COPS7A: variants seen among roughly 807,000 people sequenced by gnomAD.
The protein encoded by COPS7A is COP9 signalosome complex subunit 7a.
In COPS7A, 20 loss-of-function variants were observed where a neutral mutation model predicts 35.2. The ratio of observed to expected loss-of-function variants is 0.57; its 90% CI spans 0.40 to 0.83. The LOEUF is 0.83. Among genes scored for constraint, COPS7A ranks in the 40% least tolerant of loss-of-function variants. COPS7A has a pLI of 0.00. For synonymous variants in COPS7A, 139 were observed against 141.4 expected, an observed-to-expected ratio of 0.98 and a Z score of 0.12; for missense variants, 247 against 347.5, an observed-to-expected ratio of 0.71 and a Z score of 2.30.
rs902338437 is a variant in COPS7A, at chr12:6,729,845, C to T, written c.530+396C>T. Among the ~76,000 whole-genome samples the T allele has an allele frequency of 3.3e-5, 5 of 152,278 alleles. No individual in the cohort carries two copies. The highest frequency in any genetic ancestry group is 7.2e-5 in the African/African-American group (3 of 41,570). On this transcript the variant is annotated intron_variant, in intron 5 of 7. Coordinates refer to ENST00000543155, the MANE Select transcript of COPS7A (RefSeq NM_001164094.2). The surrounding 1 kb of genome is among the most constrained non-coding windows in gnomAD (Gnocchi z 4.2). ...CAGGGTTTCTGTATTCATTAAGTCA[C>T]CTCTTTTTCTCTTTGGCATCTCCTA...
In COPS7A at chr12:6,729,398, G is replaced by T. The variant is rs1441931837; in HGVS notation, c.479G>T (p.Arg160Leu). 6.2e-7 allele frequency: 1 copy of T among 1,614,086 alleles called. No individual in the cohort carries two copies. The highest frequency in any genetic ancestry group is 8.5e-7 in the Non-Finnish European group (1 of 1,180,044). ...CTCGAGGTTGACTACAGCATCGGGC[G>T]GGACATCCAGCGCCAGGACCTCAGT... ...QRLEVDYSIGRDIQRQDLSAI... is the reference protein window; with the variant it reads ...QRLEVDYSIGLDIQRQDLSAI... Residue 160 changes from arginine (R) to leucine (L), a missense_variant, in exon 5 of 8, where the codon CGG (arginine) becomes CTG (leucine). Transcript: ENST00000543155. The surrounding 1 kb of genome is among the most constrained non-coding windows in gnomAD (Gnocchi z 4.2).
chr12:6,727,861 A>T (rs1231759980), intron 2 of COPS7A, 65 bp from the exon 3 acceptor site: 2 of 1,508,804 alleles, frequency 1.3e-6, no homozygotes, highest in African/African-American at 2.7e-5. Flanking sequence ...AGTTCCAAAC[A>T]GGGTAAGGCT....
intron 4 of COPS7A, 99 bp downstream of exon 4, chr12:6,728,410 C>T (rs1259711386): frequency 3.5e-6 from 3 of 856,444 alleles, no homozygotes; most frequent in Non-Finnish European, 5.6e-6. Context: ...TGGCTGCTTC[C>T]TGCCCTCCCC....
rs1407889600 is a variant in COPS7A at position 6,727,924 on chromosome 12, A to G, written c.163-2A>G. 6.2e-7 allele frequency: 1 copy of G among 1,614,046 alleles called. No homozygotes were observed. The highest frequency in any genetic ancestry group is 8.5e-7 in the Non-Finnish European group (1 of 1,180,022). ...TCACCTCCTTTTTCCTCATTCTCGC[A>G]GCTGGCTGAGAGTGACTTTGCCTCT... On this transcript the variant is annotated splice_acceptor_variant, in intron 2 of 7. Transcript: ENST00000543155. LOFTEE classifies it high-confidence loss of function.
chr12:6,724,395 G>A (rs775341992), intron 1 of COPS7A: 5 of 555,992 alleles, frequency 9.0e-6, no homozygotes, highest in Admixed American at 7.6e-5. Flanking sequence ...TGGGGTGCAC[G>A]TGATGGGGCT....
At chr12:6,728,933 G>A (rs564319857) in intron 4 of COPS7A, 292 of 399,168 alleles carry the variant, frequency 7.3e-4, no homozygotes, top group African/African-American at 5.4e-3. Context: ...CTAAGGACTG[G>A]GTGATACCCT....
intron 4 of COPS7A, among the ~76,000 whole-genome samples, chr12:6,728,752 G>A (rs922746103): frequency 5.3e-5 from 8 of 152,192 alleles, no homozygotes; most frequent in Non-Finnish European, 8.8e-5. Flanking sequence ...CTGCAACCTC[G>A]CAATAGTTAC....
At chr12:6,730,346 T>A (rs2137758743) in intron 5 of COPS7A, 56 bp from the exon 6 acceptor site, 1 of 1,548,282 alleles carries the variant, frequency 6.5e-7, no homozygotes, top group East Asian at 2.2e-5. Flanking sequence ...CAGTTTTCTG[T>A]GAGTCTGTGA....
intron 2 of COPS7A, chr12:6,725,813 C>T: frequency 6.6e-6 from 3 of 456,120 alleles, no homozygotes; most frequent in Admixed American, 2.3e-5. Context: ...CCTTTTGGAT[C>T]ACTCTGTGAT....
rs910055112 is a variant in COPS7A, at chr12:6,729,503, G to A, written c.530+54G>A. On this transcript the variant is annotated intron_variant, in intron 5 of 7. Transcript: ENST00000543155. The surrounding 1 kb of genome is among the most constrained non-coding windows in gnomAD (Gnocchi z 4.2). ...TTCTCACCCTGAGAAAGAGAAAGGC[G>A]CTTCAGGGTGAGAGAGGGCAGGAGC... 5.1e-6 allele frequency: 8 copies of A among 1,563,064 alleles called. No individual in the cohort carries two copies. The highest frequency in any genetic ancestry group is 4.1e-5 in the African/African-American group (3 of 73,818).
intron 2 of COPS7A, among the ~76,000 whole-genome samples, chr12:6,726,630 A>T (rs1321668618): frequency 7.7e-5 from 11 of 143,672 alleles, no homozygotes; most frequent in Middle Eastern, 4.1e-3. Flanking sequence ...AATAAATAAA[A>T]CAAACAAAAG....
chr12:6,729,495 A>C lies in COPS7A; in HGVS notation c.530+46A>C. On this transcript the variant is annotated intron_variant, in intron 5 of 7. Transcript: ENST00000543155. This position sits in a 1 kb window ranked among gnomAD's most constrained non-coding sequence, Gnocchi z 4.2. ...CTGTCCCCTTCTCACCCTGAGAAAG[A>C]GAAAGGCGCTTCAGGGTGAGAGAGG... is the stretch of plus-strand genomic sequence containing the variant. The C allele has an allele frequency of 6.3e-7, 1 of 1,584,258 alleles. No individual in the cohort carries two copies. The highest frequency in any genetic ancestry group is 1.3e-5 in the African/African-American group (1 of 74,446).
rs1457409081 is a variant in COPS7A at position 6,724,609 on chromosome 12, TGCAG to T, written c.-43-4_-43-1del. On this transcript the variant is annotated splice_acceptor_variant and splice_polypyrimidine_tract_variant and intron_variant, in intron 1 of 7. Transcript: ENST00000543155. LOFTEE classifies it low-confidence loss of function (5UTR_SPLICE). Reference sequence around the variant, plus strand: ...CCTCTAGCTTCACATCCTCTTTCCTTGCAGCTCTGGACATCCTGAGCCCAAGTCC... The same window carrying T: ...CCTCTAGCTTCACATCCTCTTTCCTTCTCTGGACATCCTGAGCCCAAGTCC... 6.2e-7 allele frequency: 1 copy of T among 1,612,604 alleles called. No individual in the cohort carries two copies.
In COPS7A at chr12:6,731,466, C is replaced by T. The variant is rs1392555986; in HGVS notation, c.*427C>T. The stretch of plus-strand genomic sequence containing the variant: ...ACCCTACCCCTGACCTATTGAGCAG[C>T]CTCTGAAGAGCCATAGGGCCCCCAC... On this transcript the variant is annotated 3_prime_UTR_variant, in exon 8 of 8. Coordinates refer to ENST00000543155, the MANE Select transcript of COPS7A (RefSeq NM_001164094.2). 1 of 449,352 alleles carries T rather than the reference C, an allele frequency of 2.2e-6. No homozygotes were observed. Among genetic ancestry groups the T allele is most frequent in the Non-Finnish European group, 3.4e-6 (1 of 295,310 alleles). 27.8% of individuals were successfully genotyped at this position (449,352 alleles called of 1,614,324 possible).
At chr12:6,728,398 C>G in intron 4 of COPS7A, 87 bp downstream of exon 4, 1 of 1,139,056 alleles carries the variant, frequency 8.8e-7, no homozygotes, top group Non-Finnish European at 1.3e-6. Context: ...TTGTCTAGAC[C>G]GTGGCTGCTT....
At position 6,730,730 on chromosome 12, in the gene COPS7A, A is replaced by C. The variant is rs1472033303; in HGVS notation, c.698A>C (p.Gln233Pro). The C allele has an allele frequency of 6.2e-7, 1 of 1,614,076 alleles. No homozygotes were observed. The highest frequency in any genetic ancestry group is 8.5e-7 in the Non-Finnish European group (1 of 1,180,038). Reference protein sequence around the residue: ...TTAAAAAATSQDPEQHLTELR... With the variant: ...TTAAAAAATSPDPEQHLTELR... Reference sequence around the variant, plus strand: ...GCAGCAGCAGCCGCAGCCACATCTCAGGACCCTGAGCAACACCTGACTGAG... The same window carrying C: ...GCAGCAGCAGCCGCAGCCACATCTCCGGACCCTGAGCAACACCTGACTGAG... Residue 233 changes from glutamine to proline, a missense_variant, in exon 7 of 8, where the codon CAG becomes CCG. Coordinates refer to ENST00000543155, the MANE Select transcript of COPS7A (RefSeq NM_001164094.2).
chr12:6,726,057 GTAA>G (rs1941244709), intron 2 of COPS7A: 1 of 379,046 alleles, frequency 2.6e-6, no homozygotes, highest in African/African-American at 2.1e-5. Context: ...GCTCATGCCT[GTAA>G]TCCCAGCACT....
At position 6,728,994 on chromosome 12, in the gene COPS7A, G is replaced by C. The variant is rs143612322; in HGVS notation, c.328-253G>C. 3.2e-3 allele frequency: 1,565 copies of C among 495,154 alleles called. 16 individuals carry two copies. Among genetic ancestry groups the C allele is most frequent in the African/African-American group, 0.027 (1,397 of 51,578 alleles). 30.7% of individuals were successfully genotyped at this position (495,154 alleles called of 1,614,324 possible). A position where few individuals can be genotyped will look rare whatever the true frequency, so the allele number is the denominator to read the frequency against. On this transcript the variant is annotated intron_variant, in intron 4 of 7. Transcript: ENST00000543155. ...CAGGCAGATGTCATTTTCTCCTTCT[G>C]TGGTGTGTCAGGGGTGAGGGTGTTA...
rs1174501146 is a variant in COPS7A at position 6,731,135 on chromosome 12, A to T, written c.*96A>T. The stretch of plus-strand genomic sequence containing the variant: ...AGCCTTCTGTGCCCCTGGCCAGCTG[A>T]TAATCCTAGGTTCATGACCCTTCAC... On this transcript the variant is annotated 3_prime_UTR_variant, in exon 8 of 8. Coordinates refer to ENST00000543155, the MANE Select transcript of COPS7A (RefSeq NM_001164094.2). 6.8e-6 allele frequency: 11 copies of T among 1,611,008 alleles called. No homozygotes were observed. The highest frequency in any genetic ancestry group is 9.3e-6 in the Non-Finnish European group (11 of 1,178,896).
Sources: gnomAD v4.1 joint callset for allele counts (sites outside exome capture counted in the v4.1 genomes callset) on GRCh38, gnomAD v4.1.1 for gene constraint, Gnocchi (gnomAD v3.1) non-coding constraint, MANE v1.5 for transcripts, NCBI Gene and HGNC (gene_info 2026-07-23, HGNC 2026-07-21) for gene names.